The following MYT1L variants were observed in gnomAD, a reference collection of about 807,000 sequenced individuals.
MYT1L encodes the protein myelin transcription factor 1 like.
MYT1L carries 12 observed loss-of-function variants against 126.7 expected under a neutral mutation model. The ratio of observed to expected loss-of-function variants is 0.09; its 90% CI spans 0.06 to 0.15. MYT1L has a LOEUF of 0.15. Ranked by LOEUF, MYT1L falls within the 10% of genes least tolerant of loss-of-function variation. The pLI, the probability that MYT1L is intolerant of heterozygous loss-of-function variation, is 1.00. For missense variants in MYT1L, 979 were observed against 1,585.2 expected, an observed-to-expected ratio of 0.62 and a Z score of 6.49; for synonymous variants, 541 against 604.2, an observed-to-expected ratio of 0.90 and a Z score of 1.53.
intron 18 of MYT1L, among the ~76,000 whole-genome samples, chr2:1,853,147 C>T (rs189865839): frequency 6.6e-6 from 1 of 152,292 alleles, no homozygotes; most frequent in Admixed American, 6.5e-5. Flanking sequence ...ATGTTTTCCA[C>T]ATCATATTAG....
rs988834610 is a variant in MYT1L at position 1,929,715 on chromosome 2, G to A, written c.506-6452C>T. Among the ~76,000 whole-genome samples the A allele has an allele frequency of 3.3e-5, 5 of 152,150 alleles. No homozygotes were observed. The highest frequency in any genetic ancestry group is 7.2e-5 in the African/African-American group (3 of 41,428). ...TAGCACAGACATTTTCTCCAGTGCC[G>A]GCCATTGCCATTTTCTTTGAATTTT... On this transcript the variant is annotated intron_variant, in intron 9 of 24. Transcript: ENST00000647738. The surrounding 1 kb of genome is among the most constrained non-coding windows in gnomAD (Gnocchi z 4.7).
chr2:1,992,769 G>C (rs1326355764), intron 5 of MYT1L, among the ~76,000 whole-genome samples: 3 of 152,182 alleles, frequency 2.0e-5, no homozygotes, highest in Non-Finnish European at 2.9e-5. Flanking sequence ...TTCTTGCCTG[G>C]GGACTACATT....
At chr2:2,322,603 A>C (rs376657010) in intron 1 of MYT1L, among the ~76,000 whole-genome samples, 5 of 152,186 alleles carry the variant, frequency 3.3e-5, no homozygotes, top group East Asian at 3.9e-4. Context: ...TAAAAAAAAA[A>C]AAACAAAATA....
At chr2:2,143,626 T>A (rs543571509) in intron 3 of MYT1L, among the ~76,000 whole-genome samples, 1 of 152,136 alleles carries the variant, frequency 6.6e-6, no homozygotes, top group Admixed American at 6.6e-5. Flanking sequence ...CAGAGGTGGG[T>A]CATTTGGGAG....
At position 2,056,439 on chromosome 2, in the gene MYT1L, C is replaced by T. The variant is rs141487333; in HGVS notation, c.-303-2316G>A. 4.6e-3 allele frequency among the ~76,000 whole-genome samples: 698 copies of T among 152,340 alleles called. 7 individuals are homozygous for T. Among genetic ancestry groups the T allele is most frequent in the Non-Finnish European group, 4.8e-3 (327 of 68,032 alleles). On this transcript the variant is annotated intron_variant, in intron 3 of 24. Coordinates refer to ENST00000647738, the MANE Select transcript of MYT1L (RefSeq NM_001303052.2). The stretch of plus-strand genomic sequence containing the variant: ...AAGCCACTGACAAATGAACTATAGG[C>T]TAAATGCCCTTGCAGGGTATATGAT...
intron 14 of MYT1L, among the ~76,000 whole-genome samples, chr2:1,894,756 G>A (rs913285607): frequency 1.3e-5 from 2 of 152,162 alleles, no homozygotes; most frequent in Non-Finnish European, 2.9e-5. Flanking sequence ...CGTTGGTGAG[G>A]GCGATGCTCA....
chr2:1,942,853 A>G, intron 9 of MYT1L, 129 bp downstream of exon 9: 1 of 1,252,700 alleles, frequency 8.0e-7, no homozygotes, highest in Non-Finnish European at 1.1e-6. Flanking sequence ...TAAGAGGTTA[A>G]TTTTCTCAGT....
chr2:2,167,886 T>A (rs2089416596), intron 3 of MYT1L, among the ~76,000 whole-genome samples: 1 of 152,228 alleles, frequency 6.6e-6, no homozygotes, highest in Non-Finnish European at 1.5e-5. Context: ...CTGATTCCAT[T>A]TCTATATAAC....
intron 10 of MYT1L, among the ~76,000 whole-genome samples, chr2:1,920,525 C>G (rs1231401018): frequency 6.6e-6 from 1 of 152,050 alleles, no homozygotes; most frequent in Non-Finnish European, 1.5e-5. Context: ...TCAGCCTTCC[C>G]TTGACACAGC....
chr2:2,033,787 G>A (rs1558805148), intron 4 of MYT1L, among the ~76,000 whole-genome samples: 1 of 152,080 alleles, frequency 6.6e-6, no homozygotes, highest in Admixed American at 6.5e-5. Context: ...ATGGTGCCTG[G>A]AGCAGCCCCA....
chr2:2,292,112 C>T (rs1367069288), intron 1 of MYT1L, among the ~76,000 whole-genome samples: 4 of 152,176 alleles, frequency 2.6e-5, no homozygotes. Flanking sequence ...AGGAATCTTC[C>T]CAGGCAAAAG....
chr2:2,071,854 C>T (rs1286763514), intron 3 of MYT1L, among the ~76,000 whole-genome samples: 1 of 152,154 alleles, frequency 6.6e-6, no homozygotes, highest in African/African-American at 2.4e-5. Context: ...GACCTAAAAC[C>T]AGGCTCAGGC....
At chr2:2,161,026 G>T (rs2148425609) in intron 3 of MYT1L, among the ~76,000 whole-genome samples, 1 of 152,204 alleles carries the variant, frequency 6.6e-6, no homozygotes, top group South Asian at 2.1e-4. Flanking sequence ...AGACCATCCT[G>T]CCCAACGTGG....
chr2:1,810,176 G>C (rs11695002), intron 21 of MYT1L: 84,839 of 148,744 alleles, frequency 0.57, 24,483 homozygotes, highest in South Asian at 0.7. Context: ...ACCCAGGCTG[G>C]AGTGCAGTGG....
intron 3 of MYT1L, among the ~76,000 whole-genome samples, chr2:2,156,214 A>C (rs2086704177): frequency 6.6e-6 from 1 of 152,236 alleles, no homozygotes; most frequent in Admixed American, 6.5e-5. Flanking sequence ...GAGGAGGCTG[A>C]ATTAGAGCTC....
At chr2:2,079,486 A>G (rs1558944499) in intron 3 of MYT1L, among the ~76,000 whole-genome samples, 1 of 152,214 alleles carries the variant, frequency 6.6e-6, no homozygotes, top group Non-Finnish European at 1.5e-5. Context: ...AAAAATTTTC[A>G]TGACAATGAA....
chr2:2,051,288 C>A (rs2068798461), intron 4 of MYT1L, among the ~76,000 whole-genome samples: 1 of 152,172 alleles, frequency 6.6e-6, no homozygotes, highest in Non-Finnish European at 1.5e-5. Context: ...TCAAGTCAGC[C>A]ATTTCCAGAT....
intron 3 of MYT1L, among the ~76,000 whole-genome samples, chr2:2,085,796 G>A (rs2076290991): frequency 6.6e-6 from 1 of 152,186 alleles, no homozygotes; most frequent in African/African-American, 2.4e-5. Flanking sequence ...CACATGGGGT[G>A]CTGGAATCGA....
intron 3 of MYT1L, among the ~76,000 whole-genome samples, chr2:2,069,633 T>G (rs2074343154): frequency 6.6e-6 from 1 of 152,208 alleles, no homozygotes; most frequent in African/African-American, 2.4e-5. Context: ...CCTAGATCCT[T>G]GAGGAATCAC....
Sources: allele counts gnomAD v4.1 joint callset (sites outside exome capture counted in the v4.1 genomes callset), GRCh38; gene constraint gnomAD v4.1.1; non-coding constraint Gnocchi (gnomAD v3.1); transcripts MANE v1.5; gene names NCBI Gene and HGNC (gene_info 2026-07-23, HGNC 2026-07-21).